EPM2A: variants seen among roughly 807,000 people sequenced by gnomAD.
EPM2A encodes the protein EPM2A glucan phosphatase, laforin.
A neutral mutation model predicts 26.5 loss-of-function variants in EPM2A; 21 were observed. The ratio of observed to expected loss-of-function variants is 0.79; its 90% CI spans 0.56 to 1.14. EPM2A has a LOEUF of 1.14. Among genes scored for constraint, EPM2A ranks in the 50% most tolerant of loss-of-function variants. The pLI, the probability that EPM2A is intolerant of heterozygous loss-of-function variation, is 0.00. For synonymous variants in EPM2A, 217 were observed against 177.6 expected (o/e 1.22, Z -1.76); for missense variants, 458 against 440.8 (o/e 1.04, Z -0.35).
At chr6:145,546,532 A>G (rs1780585381) in intron 2 of EPM2A, among the ~76,000 whole-genome samples, 1 of 152,062 alleles carries the variant, frequency 6.6e-6, no homozygotes, top group Non-Finnish European at 1.5e-5. Context: ...GTATCCCTTC[A>G]CCAGTCAAGT....
At chr6:145,688,392 A>C (rs1451336095) in intron 1 of EPM2A, among the ~76,000 whole-genome samples, 1 of 152,204 alleles carries the variant, frequency 6.6e-6, no homozygotes, top group African/African-American at 2.4e-5. Flanking sequence ...ATGAAAGGGG[A>C]TTAACAATGC....
intron 4 of EPM2A, among the ~76,000 whole-genome samples, chr6:145,441,231 A>C (rs994859859): frequency 1.3e-5 from 2 of 152,212 alleles, no homozygotes; most frequent in Non-Finnish European, 2.9e-5. Flanking sequence ...GCCATGGCCC[A>C]ACTTGTACTT....
chr6:145,436,793 C>A (rs1210366392), intron 4 of EPM2A, among the ~76,000 whole-genome samples: 1 of 152,038 alleles, frequency 6.6e-6, no homozygotes, highest in Non-Finnish European at 1.5e-5. Context: ...CTGACCAAAT[C>A]TCTTGTTGAG....
downstream of EPM2A, among the ~76,000 whole-genome samples, chr6:145,496,729 T>A (rs1380358380): frequency 1.4e-5 from 1 of 72,834 alleles, no homozygotes. Flanking sequence ...GTTCCTGCAA[T>A]TTTTTTTTTT....
downstream of EPM2A, among the ~76,000 whole-genome samples, chr6:145,496,892 C>T (rs554190335): frequency 3.3e-5 from 5 of 152,044 alleles, no homozygotes; most frequent in African/African-American, 4.8e-5. Flanking sequence ...CGCCCGCCAC[C>T]GCGCCCGGCT....
At chr6:145,502,855 ATAAT>A (rs1779911890) in intron 2 of EPM2A, among the ~76,000 whole-genome samples, 1 of 152,248 alleles carries the variant, frequency 6.6e-6, no homozygotes, top group South Asian at 2.1e-4. Flanking sequence ...CTTTCACTGA[ATAAT>A]TATTACATTG....
intron 2 of EPM2A, among the ~76,000 whole-genome samples, chr6:145,542,880 TC>T (rs770087447): frequency 1.1e-4 from 17 of 152,176 alleles, no homozygotes; most frequent in African/African-American, 4.1e-4. Flanking sequence ...TGTCTCAGCC[TC>T]CCGCGTAGCT....
chr6:145,487,630 A>C (rs1040335112), intron 4 of EPM2A, among the ~76,000 whole-genome samples: 1 of 152,120 alleles, frequency 6.6e-6, no homozygotes, highest in East Asian at 1.9e-4. Flanking sequence ...TCTTGGTCGC[A>C]TGTATGTCTT....
At chr6:145,666,091 T>A (rs1779162931) in intron 2 of EPM2A, among the ~76,000 whole-genome samples, 1 of 146,688 alleles carries the variant, frequency 6.8e-6, no homozygotes, top group South Asian at 2.2e-4. Flanking sequence ...AGCATTCCCT[T>A]TGAAAACTGG....
chr6:145,420,851 TAGAA>T (rs1283011156), intron 4 of EPM2A, among the ~76,000 whole-genome samples: 4 of 150,350 alleles, frequency 2.7e-5, no homozygotes, highest in African/African-American at 7.5e-5. Context: ...AGAAGAGAGA[TAGAA>T]AGAGAGAGAG....
intron 2 of EPM2A, among the ~76,000 whole-genome samples, chr6:145,518,016 C>T (rs142922315): frequency 1.8e-3 from 279 of 152,248 alleles, no homozygotes; most frequent in African/African-American, 6.1e-3. Context: ...AGTTTTGCCT[C>T]CTGTTATCAC....
intron 2 of EPM2A, among the ~76,000 whole-genome samples, chr6:145,507,713 G>A (rs575496102): frequency 1.3e-5 from 2 of 152,326 alleles, no homozygotes; most frequent in Admixed American, 6.5e-5. Flanking sequence ...GTAGGAGAAG[G>A]GTTCCCACTG....
intron 1 of EPM2A, among the ~76,000 whole-genome samples, chr6:145,689,780 A>G (rs1781158082): frequency 6.6e-6 from 1 of 152,178 alleles, no homozygotes; most frequent in African/African-American, 2.4e-5. Context: ...CAGTGCCTCA[A>G]CCCACTCACT....
intron 4 of EPM2A, among the ~76,000 whole-genome samples, chr6:145,437,647 C>G (rs1022070550): frequency 2.0e-5 from 3 of 152,176 alleles, no homozygotes; most frequent in Admixed American, 1.3e-4. Flanking sequence ...AATAAACAAA[C>G]AGTCTCTTTC....
chr6:145,557,057 T>C (rs2114810103), intron 2 of EPM2A, among the ~76,000 whole-genome samples: 1 of 152,266 alleles, frequency 6.6e-6, no homozygotes, highest in South Asian at 2.1e-4. Flanking sequence ...AGAGCAATTT[T>C]AGCAGATTAT....
chr6:145,496,529 A>G (rs1267355182), intron 4 of EPM2A, among the ~76,000 whole-genome samples: 1 of 151,964 alleles, frequency 6.6e-6, no homozygotes, highest in African/African-American at 2.4e-5. Flanking sequence ...ATTCCTTTTC[A>G]TTCTTTCTTC....
chr6:145,498,436 G>A (rs565320009), downstream of EPM2A, among the ~76,000 whole-genome samples: 2 of 152,194 alleles, frequency 1.3e-5, no homozygotes, highest in African/African-American at 4.8e-5. Flanking sequence ...AAGCTCCTGA[G>A]ACTCTGTGCA....
chr6:145,702,623 C>T (rs1309819435), intron 1 of EPM2A, among the ~76,000 whole-genome samples: 1 of 152,192 alleles, frequency 6.6e-6, no homozygotes, highest in African/African-American at 2.4e-5. Context: ...TACCTTACAC[C>T]TCTTCCAGTC....
intron 4 of EPM2A, among the ~76,000 whole-genome samples, chr6:145,457,793 T>A (rs1298396377): frequency 6.6e-6 from 1 of 152,202 alleles, no homozygotes; most frequent in Non-Finnish European, 1.5e-5. Flanking sequence ...ATAAATGTTA[T>A]GAAAATATGT....
Sources: gnomAD v4.1 joint callset for allele counts (sites outside exome capture counted in the v4.1 genomes callset) on GRCh38, gnomAD v4.1.1 for gene constraint, MANE v1.5 for transcripts, NCBI Gene and HGNC (gene_info 2026-07-23, HGNC 2026-07-21) for gene names.